The following PLXDC2 variants were observed in gnomAD, a reference collection of about 807,000 sequenced individuals.
PLXDC2 encodes the protein plexin domain containing 2.
Under a neutral mutation model 68.9 loss-of-function variants are expected in PLXDC2, and 40 were observed. The ratio of observed to expected loss-of-function variants is 0.58; its 90% CI spans 0.45 to 0.76. The LOEUF is 0.76. PLXDC2 is among the 30% of genes least tolerant of loss of function. PLXDC2 has a pLI of 0.00. For synonymous variants in PLXDC2, 243 were observed against 234.2 expected (o/e 1.04, Z -0.34); for missense variants, 644 against 661.9 (o/e 0.97, Z 0.30).
intron 1 of PLXDC2, among the ~76,000 whole-genome samples, chr10:19,857,288 C>T (rs904267118): frequency 1.3e-5 from 2 of 152,108 alleles, no homozygotes; most frequent in Non-Finnish European, 2.9e-5. Flanking sequence ...CAGGAGAAAA[C>T]CAAAATGGCC....
intron 1 of PLXDC2, among the ~76,000 whole-genome samples, chr10:19,911,510 A>T (rs1589532206): frequency 6.6e-6 from 1 of 152,320 alleles, no homozygotes; most frequent in Non-Finnish European, 1.5e-5. Flanking sequence ...GTAAAAAAGT[A>T]GGTATCAGCT....
intron 1 of PLXDC2, among the ~76,000 whole-genome samples, chr10:19,950,392 G>A (rs1439403800): frequency 6.6e-6 from 1 of 152,024 alleles, no homozygotes; most frequent in Non-Finnish European, 1.5e-5. Flanking sequence ...GCCAAATCAA[G>A]AACAAAATCT....
chr10:20,103,753 T>C (rs1833453878), intron 4 of PLXDC2, among the ~76,000 whole-genome samples: 1 of 151,714 alleles, frequency 6.6e-6, no homozygotes, highest in Non-Finnish European at 1.5e-5. Context: ...GCAATTCTCC[T>C]GCCTCAGCTT....
intron 2 of PLXDC2, among the ~76,000 whole-genome samples, chr10:20,021,061 T>C (rs1835299243): frequency 6.6e-6 from 1 of 152,202 alleles, no homozygotes; most frequent in Admixed American, 6.5e-5. Context: ...CTAAACAAAA[T>C]ATAGTATACA....
intron 2 of PLXDC2, among the ~76,000 whole-genome samples, chr10:20,024,990 C>T (rs1014813727): frequency 6.6e-6 from 1 of 152,074 alleles, no homozygotes; most frequent in African/African-American, 2.4e-5. Flanking sequence ...TAAGTTGATT[C>T]TGTGTCTTTG....
At position 19,956,683 on chromosome 10, in the gene PLXDC2, A is replaced by G. The variant is rs76770175; in HGVS notation, c.113-45092A>G. ...GATGGAATAAAAGATCAATGAAGGC[A>G]CAGACTGTATCTGTCTCACATATTT... On this transcript the variant is annotated intron_variant, in intron 1 of 13. Transcript: ENST00000377252. Among the ~76,000 whole-genome samples the G allele has an allele frequency of 8.4e-3, 1,283 of 152,342 alleles. 21 individuals are homozygous for G. Among genetic ancestry groups the G allele is most frequent in the African/African-American group, 0.029 (1,205 of 41,584 alleles).
At chr10:19,862,491 C>G (rs1837336369) in intron 1 of PLXDC2, among the ~76,000 whole-genome samples, 1 of 152,252 alleles carries the variant, frequency 6.6e-6, no homozygotes, top group African/African-American at 2.4e-5. Flanking sequence ...CGAAGCGTTA[C>G]AATAAGATAA....
chr10:19,835,566 G>T (rs935236470), intron 1 of PLXDC2, among the ~76,000 whole-genome samples: 1 of 152,190 alleles, frequency 6.6e-6, no homozygotes, highest in Non-Finnish European at 1.5e-5. Flanking sequence ...AATCATCGAG[G>T]TGTATCTGGT....
chr10:19,899,985 A>T (rs1490278900), intron 1 of PLXDC2, among the ~76,000 whole-genome samples: 1 of 152,222 alleles, frequency 6.6e-6, no homozygotes, highest in Non-Finnish European at 1.5e-5. Flanking sequence ...TTCAAGATAC[A>T]TCACAAATGA....
chr10:20,095,554 TTTGGTGATACTACAGTGTTAGGTACCC>T (rs1315392062), intron 4 of PLXDC2, among the ~76,000 whole-genome samples: 2 of 152,136 alleles, frequency 1.3e-5, no homozygotes, highest in African/African-American at 4.8e-5. Context: ...TTTTAGGTAA[TTTGGTGATACTACAGTGTTAGGTACCC>T]TGAGGGAGAG....
At chr10:20,147,448 G>C (rs4504970) in intron 5 of PLXDC2, among the ~76,000 whole-genome samples, 8,365 of 152,162 alleles carry the variant, frequency 0.055, 253 homozygotes, top group Middle Eastern at 0.082. Context: ...CAATCCACTT[G>C]GGCTGCATTT....
At chr10:20,072,401 A>AG (rs200141889) in intron 4 of PLXDC2, among the ~76,000 whole-genome samples, 1 of 135,350 alleles carries the variant, frequency 7.4e-6, no homozygotes, top group South Asian at 2.5e-4. Context: ...GGAAAGAAAG[A>AG]AGAAAGAAAG....
chr10:20,134,876 G>A (rs926772786), intron 4 of PLXDC2, among the ~76,000 whole-genome samples: 1 of 152,126 alleles, frequency 6.6e-6, no homozygotes, highest in East Asian at 1.9e-4. Flanking sequence ...GGTTCACTGG[G>A]ATGGGCCAGT....
chr10:20,273,280 C>T (rs1300845353), intron 13 of PLXDC2, among the ~76,000 whole-genome samples: 3 of 151,958 alleles, frequency 2.0e-5, no homozygotes, highest in Non-Finnish European at 4.4e-5. Context: ...ATGATTTTTA[C>T]TGGCATGATT....
intron 1 of PLXDC2, among the ~76,000 whole-genome samples, chr10:19,978,651 G>A (rs1322019104): frequency 6.6e-6 from 1 of 152,162 alleles, no homozygotes; most frequent in Non-Finnish European, 1.5e-5. Flanking sequence ...AATAGCAGGT[G>A]TGTTTTATTT....
intron 1 of PLXDC2, among the ~76,000 whole-genome samples, chr10:19,927,734 AAAAAG>A (rs1833562783): frequency 1.3e-5 from 2 of 150,952 alleles, no homozygotes; most frequent in African/African-American, 4.9e-5. Flanking sequence ...AAAAAAAAAA[AAAAAG>A]CAAGGAATCA....
At position 19,994,221 on chromosome 10, in the gene PLXDC2, G is replaced by C. The variant is rs1834800537; in HGVS notation, c.113-7554G>C. Among the ~76,000 whole-genome samples, 6 of 137,232 alleles carry C rather than the reference G, an allele frequency of 4.4e-5. No homozygotes were observed. In the Admixed American group the frequency reaches 4.5e-4, roughly 10 times the overall value. 90.0% of individuals were successfully genotyped at this position (137,232 alleles called of 152,430 possible). On this transcript the variant is annotated intron_variant, in intron 1 of 13. Coordinates refer to ENST00000377252, the MANE Select transcript of PLXDC2 (RefSeq NM_032812.9). ...TGGGGTTAAGATCATCTTGGATAAAGAGAAGCTTTCATAGGTTCCCATTGT... is the reference window on the plus strand; with the variant it reads ...TGGGGTTAAGATCATCTTGGATAAACAGAAGCTTTCATAGGTTCCCATTGT...
chr10:20,075,311 C>T (rs554341997), intron 4 of PLXDC2, among the ~76,000 whole-genome samples: 17 of 152,268 alleles, frequency 1.1e-4, no homozygotes, highest in African/African-American at 3.9e-4. Flanking sequence ...ACTTCAGCTC[C>T]CCAAATAGCT....
intron 13 of PLXDC2, among the ~76,000 whole-genome samples, chr10:20,266,301 G>T (rs541288035): frequency 6.7e-6 from 1 of 150,082 alleles, no homozygotes; most frequent in Admixed American, 6.6e-5. Flanking sequence ...ATCAAAGGCA[G>T]ATTAAGATTA....
Sources: gnomAD v4.1 joint callset for allele counts (sites outside exome capture counted in the v4.1 genomes callset) on GRCh38, gnomAD v4.1.1 for gene constraint, MANE v1.5 for transcripts, NCBI Gene and HGNC (gene_info 2026-07-23, HGNC 2026-07-21) for gene names.